Variants in LAT2 observed in about 807,000 individuals in gnomAD.
LAT2 encodes linker for activation of T-cells family member 2.
A neutral mutation model predicts 43.4 loss-of-function variants in LAT2; 23 were observed. The ratio of observed to expected loss-of-function variants is 0.53; its 90% confidence interval spans 0.38 to 0.75. LAT2 has a LOEUF of 0.75. Among genes scored for constraint, LAT2 ranks in the 30% least tolerant of loss-of-function variants. The pLI is 0.00. For missense variants in LAT2, 284 were observed against 310.2 expected, an observed-to-expected ratio of 0.92 and a Z score of 0.64; for synonymous variants, 128 against 123.2, an observed-to-expected ratio of 1.04 and a Z score of -0.26.
chr7:74,210,786 AAAAAAT>A (rs1209633591), intron 1 of LAT2, among the ~76,000 whole-genome samples: 1 of 152,186 alleles, frequency 6.6e-6, no homozygotes, highest in East Asian at 1.9e-4. Flanking sequence ...CCATCTCTTT[AAAAAAT>A]AAAAATAAAA....
In LAT2 at chr7:74,220,444, A is replaced by T; in HGVS notation, c.266-140A>T. 1 of 1,247,596 alleles carries T rather than the reference A, an allele frequency of 8.0e-7. No individual in the cohort carries two copies. Among genetic ancestry groups the T allele is most frequent in the South Asian group, 1.3e-5 (1 of 78,386 alleles). The allele number at this position is 1,247,596 out of a possible 1,614,324, so 77.3% of individuals were successfully genotyped here. ...TGGCAGGGGGAGGGTGCACACTCGC[A>T]CATGCCCCACTGAGGGGACAGGGAG... On this transcript the variant is annotated intron_variant, in intron 7 of 13. Transcript: ENST00000460943. This position sits in a 1 kb window ranked among gnomAD's most constrained non-coding sequence, Gnocchi z 4.5.
rs528692756 is a variant in LAT2, at chr7:74,221,379, T to C, written c.333-258T>C. Reference sequence around the variant, plus strand: ...GCAGTGAGCCGAGATCATGCCACTGTACTCCAGCCTGGGTGACAGAGACTC... The same window carrying C: ...GCAGTGAGCCGAGATCATGCCACTGCACTCCAGCCTGGGTGACAGAGACTC... On this transcript the variant is annotated intron_variant, in intron 9 of 13. Coordinates refer to ENST00000460943, the MANE Select transcript of LAT2 (RefSeq NM_032464.3). Among the ~76,000 whole-genome samples the C allele has an allele frequency of 6.8e-5, 9 of 132,064 alleles. No individual in the cohort carries two copies. In the South Asian group the frequency reaches 1.7e-3, roughly 24 times the overall value. The allele number at this position is 132,064 out of a possible 152,430, so 86.6% of individuals were successfully genotyped here.
At chr7:74,212,273 TTTA>T (rs527983800) in intron 1 of LAT2, among the ~76,000 whole-genome samples, 10 of 150,920 alleles carry the variant, frequency 6.6e-5, no homozygotes, top group South Asian at 2.1e-4. Flanking sequence ...ATTTATTTAA[TTTA>T]TTATTATTAT....
In LAT2 at chr7:74,216,018, C is replaced by T. The variant is rs1185397623; in HGVS notation, c.43C>T (p.Leu15=). 1 of 1,613,696 alleles carries T rather than the reference C, an allele frequency of 6.2e-7. No individual in the cohort carries two copies. Among genetic ancestry groups the T allele is most frequent in the Non-Finnish European group, 8.5e-7 (1 of 1,179,956 alleles). Residue 15 remains leucine, a synonymous_variant, in exon 3 of 14, where the codon CTG becomes TTG. Coordinates refer to ENST00000460943, the MANE Select transcript of LAT2 (RefSeq NM_032464.3). ...TELLWPGAAL[L]VLLGVAASLC... The stretch of plus-strand genomic sequence containing the variant: ...ACTGCTGTGGCCCGGAGCAGCGCTG[C>T]TGGTGCTGTTGGGGGTGGCAGCCAG...
At chr7:74,218,393 G>C (rs1188634068) in intron 4 of LAT2, among the ~76,000 whole-genome samples, 3 of 152,156 alleles carry the variant, frequency 2.0e-5, no homozygotes, top group Non-Finnish European at 4.4e-5. Flanking sequence ...TGGTTCAGAG[G>C]AGGAGCCCCC....
rs1554714218 is a variant in LAT2, at chr7:74,216,024, C to T, written c.49C>T (p.Leu17=). 1 of 1,613,630 alleles carries T rather than the reference C, an allele frequency of 6.2e-7. No homozygotes were observed. The change falls in exon 3 of 14, where the codon CTG becomes TTG. Residue 17 remains leucine, a synonymous_variant. Transcript: ENST00000460943. The part of the protein sequence containing the change: ...LLWPGAALLV[L]LGVAASLCVR... ...GTGGCCCGGAGCAGCGCTGCTGGTG[C>T]TGTTGGGGGTGGCAGCCAGTCTGTG...
At chr7:74,221,834 GCTGC>G in intron 10 of LAT2, 142 bp downstream of exon 10, 1 of 638,468 alleles carries the variant, frequency 1.6e-6, no homozygotes, top group South Asian at 2.0e-5. Context: ...GGAGGCTGGT[GCTGC>G]AGGCGGGGGC....
rs782207576 is a variant in LAT2, at chr7:74,224,703, G to A, written c.693G>A (p.Pro231=). The A allele has an allele frequency of 1.4e-5, 22 of 1,606,720 alleles. No homozygotes were observed. In the South Asian group the frequency reaches 1.8e-4, roughly 13 times the overall value. ...GCCCAGACGAGGAGGACGGGGAACC[G>A]GATTACGTGAATGGGGAGGTGGCAG... ...VGSPDEEDGE[P]DYVNGEVAAT... The change falls in exon 13 of 14, where the codon CCG becomes CCA. Residue 231 remains proline (P), a synonymous_variant. Coordinates refer to ENST00000460943, the MANE Select transcript of LAT2 (RefSeq NM_032464.3).
chr7:74,224,879 C>G (rs1055070767), intron 13 of LAT2, 119 bp downstream of exon 13: 13 of 720,600 alleles, frequency 1.8e-5, no homozygotes, highest in Non-Finnish European at 2.9e-5. Flanking sequence ...GTGGGGGCTA[C>G]AGGGTGCACC....
chr7:74,216,944 C>T, intron 4 of LAT2, 80 bp downstream of exon 4: 2 of 1,210,026 alleles, frequency 1.7e-6, no homozygotes, highest in South Asian at 2.4e-5. Context: ...CCTAGCACCC[C>T]ATCCTTCACC....
At chr7:74,212,673 T>C (rs1185042826) in intron 1 of LAT2, among the ~76,000 whole-genome samples, 1 of 152,080 alleles carries the variant, frequency 6.6e-6, no homozygotes, top group African/African-American at 2.4e-5. Flanking sequence ...TGCTCCAACC[T>C]CACAAGCCTG....
intron 1 of LAT2, among the ~76,000 whole-genome samples, chr7:74,210,836 A>G (rs1584201937): frequency 6.6e-6 from 1 of 152,284 alleles, no homozygotes; most frequent in Non-Finnish European, 1.5e-5. Context: ...AAAAACCAAC[A>G]GACCCCAGAG....
intron 1 of LAT2, among the ~76,000 whole-genome samples, chr7:74,214,514 AAATATATATAAATATATATATG>A (rs1554713829): frequency 3.3e-4 from 3 of 8,964 alleles, no homozygotes; most frequent in South Asian, 0.015. Flanking sequence ...ATATATATGA[AAATATATATAAATATATATATG>A]AATATATATA....
intron 1 of LAT2, among the ~76,000 whole-genome samples, chr7:74,214,241 A>T (rs1381439392): frequency 1.4e-5 from 1 of 69,654 alleles, no homozygotes; most frequent in Non-Finnish European, 2.6e-5. Flanking sequence ...TATATATGAA[A>T]ATATATATAT....
At chr7:74,211,907 A>G (rs1554713214) in intron 1 of LAT2, among the ~76,000 whole-genome samples, 2 of 151,994 alleles carry the variant, frequency 1.3e-5, no homozygotes, top group African/African-American at 4.8e-5. Context: ...CGCAGGATGT[A>G]TTCAGTCTGG....
chr7:74,213,408 A>ACCACGCC (rs1801799284), intron 1 of LAT2, among the ~76,000 whole-genome samples: 1 of 143,004 alleles, frequency 7.0e-6, no homozygotes, highest in Non-Finnish European at 1.5e-5. Context: ...GGCATGAGCC[A>ACCACGCC]CTGTGCCCGG....
chr7:74,218,394 A>G (rs1442355250), intron 4 of LAT2, among the ~76,000 whole-genome samples: 2 of 152,164 alleles, frequency 1.3e-5, no homozygotes, highest in Non-Finnish European at 2.9e-5. Context: ...GGTTCAGAGG[A>G]GGAGCCCCCA....
chr7:74,214,769 ATATATAAATATATATATATATAT>A (rs1563968729), intron 1 of LAT2, 30 bp from the exon 2 acceptor site: 411 of 26,340 alleles, frequency 0.016, 16 homozygotes, highest in African/African-American at 0.057. Context: ...ATAAACATAT[ATATATAAATATATATATATATAT>A]TTTTTTTTTT....
At chr7:74,228,514 G>C (rs1802578156) in intron 13 of LAT2, among the ~76,000 whole-genome samples, 1 of 148,364 alleles carries the variant, frequency 6.7e-6, no homozygotes, top group South Asian at 2.1e-4. Context: ...GGCCAGGCGT[G>C]GTGGCTCACG....
Sources: allele counts gnomAD v4.1 joint callset (sites outside exome capture counted in the v4.1 genomes callset), GRCh38; gene constraint gnomAD v4.1.1; non-coding constraint Gnocchi (gnomAD v3.1); transcripts MANE v1.5; gene names NCBI Gene and HGNC (gene_info 2026-07-23, HGNC 2026-07-21).